TNRC6B: variants seen among roughly 807,000 people sequenced by gnomAD.
TNRC6B encodes the protein trinucleotide repeat-containing gene 6B protein.
TNRC6B carries 52 observed loss-of-function variants against 203.6 expected under a neutral mutation model. That is an observed-to-expected ratio of 0.26 (90% confidence interval 0.20 to 0.32). The LOEUF is 0.32. TNRC6B is among the 10% of genes least tolerant of loss of function. The pLI, the probability that TNRC6B is intolerant of heterozygous loss-of-function variation, is 1.00. For missense variants in TNRC6B, 1,923 were observed against 2,286.2 expected, an observed-to-expected ratio of 0.84 and a Z score of 3.24; for synonymous variants, 838 against 845.7, an observed-to-expected ratio of 0.99 and a Z score of 0.16.
chr22:40,301,429 G>A lies in TNRC6B; in HGVS notation c.4120+96G>A, dbSNP rs547992717. 3.3e-4 allele frequency: 417 copies of A among 1,281,316 alleles called. 1 individual carries two copies. The highest frequency in any genetic ancestry group is 4.8e-4 in the South Asian group (33 of 68,786). 79.4% of individuals were successfully genotyped at this position (1,281,316 alleles called of 1,614,324 possible). On this transcript the variant is annotated intron_variant, in intron 15 of 22. Transcript: ENST00000454349. ...TGCATTACCCTCCTTTTTTATGTCA[G>A]CTGTACAAGGTAGGTAAATATTCTT...
In TNRC6B at chr22:40,051,244, C is replaced by T. The variant is rs372500690; in HGVS notation, c.-121+6246C>T. Among the ~76,000 whole-genome samples, 19 of 152,308 alleles carry T rather than the reference C, an allele frequency of 1.2e-4. 2 individuals are homozygous for T. The highest frequency in any genetic ancestry group is 9.8e-4 in the Admixed American group (15 of 15,298). On this transcript the variant is annotated intron_variant, in intron 1 of 23. Transcript: ENST00000301923. ...AAAATTGCTGAAGAGGACACCAATCCTGTTCTGAATTGTACCTCTGCATGG... is the reference window on the plus strand; with the variant it reads ...AAAATTGCTGAAGAGGACACCAATCTTGTTCTGAATTGTACCTCTGCATGG...
chr22:40,194,461 G>A (rs888314172), intron 1 of TNRC6B, among the ~76,000 whole-genome samples: 3 of 152,186 alleles, frequency 2.0e-5, no homozygotes, highest in African/African-American at 7.2e-5. Context: ...AGGCCAGGTA[G>A]CATTGCAGTA....
intron 2 of TNRC6B, among the ~76,000 whole-genome samples, chr22:40,121,850 A>G (rs936171849): frequency 6.6e-6 from 1 of 152,240 alleles, no homozygotes; most frequent in African/African-American, 2.4e-5. Context: ...AGTCGCTGCT[A>G]AGGTCAAAAT....
intron 1 of TNRC6B, among the ~76,000 whole-genome samples, chr22:40,066,382 A>G (rs967318513): frequency 6.6e-6 from 1 of 152,148 alleles, no homozygotes; most frequent in Non-Finnish European, 1.5e-5. Context: ...TTCTTAAAAT[A>G]TCAGGAATTC....
chr22:40,177,870 A>C, upstream of TNRC6B: 1 of 1,312,740 alleles, frequency 7.6e-7, no homozygotes, highest in Non-Finnish European at 9.7e-7. Flanking sequence ...TGACAAACCT[A>C]CCCGAAGTCA....
chr22:40,254,360 A>G lies in TNRC6B; in HGVS notation c.115+3160A>G, dbSNP rs773500010. 3.9e-5 allele frequency among the ~76,000 whole-genome samples: 6 copies of G among 152,292 alleles called. No individual in the cohort carries two copies. The South Asian group carries it at 6.2e-4, about 16-fold the overall frequency. On this transcript the variant is annotated intron_variant, in intron 3 of 22. Transcript: ENST00000454349. Reference sequence around the variant, plus strand: ...TGGACATAGATATTGAGCCTTGTTAAAAAGATGTTAGGGGCCAGGCACCGT... The same window carrying G: ...TGGACATAGATATTGAGCCTTGTTAGAAAGATGTTAGGGGCCAGGCACCGT...
intron 1 of TNRC6B, among the ~76,000 whole-genome samples, chr22:40,080,108 T>G (rs1043191466): frequency 2.0e-5 from 3 of 149,244 alleles, no homozygotes; most frequent in African/African-American, 5.0e-5. Context: ...TTTTTTTTTT[T>G]TTTTTGTGTA....
intron 7 of TNRC6B, among the ~76,000 whole-genome samples, chr22:40,273,873 A>G (rs2070600610): frequency 6.6e-6 from 1 of 151,540 alleles, no homozygotes; most frequent in Admixed American, 6.6e-5. Flanking sequence ...ATGGTCTCAA[A>G]CTCCTGGGCT....
intron 1 of TNRC6B, among the ~76,000 whole-genome samples, chr22:40,234,368 T>A (rs1569031857): frequency 6.6e-6 from 1 of 152,234 alleles, no homozygotes; most frequent in Non-Finnish European, 1.5e-5. Flanking sequence ...ATGCTTGATA[T>A]TAATGAGATT....
At chr22:40,090,787 A>G (rs555907999) in intron 1 of TNRC6B, among the ~76,000 whole-genome samples, 4 of 152,252 alleles carry the variant, frequency 2.6e-5, no homozygotes, top group South Asian at 4.1e-4. Context: ...CTAGTCCCCA[A>G]ATTGTGGTCT....
At position 40,264,962 on chromosome 22, in the gene TNRC6B, G is replaced by T. The variant is rs1394478215; in HGVS notation, c.732G>T (p.Gln244His). 2.4e-5 allele frequency: 38 copies of T among 1,614,006 alleles called. No homozygotes were observed. The highest frequency in any genetic ancestry group is 3.2e-5 in the Non-Finnish European group (38 of 1,179,900). The change falls in exon 5 of 23, where the codon CAG (glutamine) becomes CAT (histidine). Residue 244 changes from glutamine (Q) to histidine (H), a missense_variant. By Grantham distance (24) the Gln-to-His change is conservative (BLOSUM62 0). This residue lies in a region of TNRC6B where 614 missense variants were observed against 587.7 expected (regional missense o/e 1.04). Transcript: ENST00000454349. ...CTAGTAACAAAGGAAAAGGGAGCCA[G>T]TGCCAGTCTGCAAGTTCTGGGAACG... ...STTSNKGKGS[Q>H]CQSASSGNEC...
chr22:40,283,188 G>A (rs988142056), intron 11 of TNRC6B, among the ~76,000 whole-genome samples: 2 of 151,968 alleles, frequency 1.3e-5, no homozygotes, highest in Admixed American at 6.6e-5. Context: ...ACAGGCTCCC[G>A]CAACCACGCC....
intron 15 of TNRC6B, among the ~76,000 whole-genome samples, chr22:40,306,597 GT>G (rs1437641378): frequency 6.6e-6 from 1 of 152,186 alleles, no homozygotes; most frequent in Non-Finnish European, 1.5e-5. Context: ...GAAAACCTTT[GT>G]TCCTTGCAAC....
intron 1 of TNRC6B, among the ~76,000 whole-genome samples, chr22:40,086,587 A>G (rs751915203): frequency 6.6e-6 from 1 of 152,172 alleles, no homozygotes; most frequent in Non-Finnish European, 1.5e-5. Flanking sequence ...GAAAGGATAT[A>G]TGGAGGCACA....
At chr22:40,053,786 ACTT>A in intron 1 of TNRC6B, among the ~76,000 whole-genome samples, 1 of 152,366 alleles carries the variant, frequency 6.6e-6, no homozygotes, top group East Asian at 1.9e-4. Flanking sequence ...GCAAGTAGGA[ACTT>A]CTCTACTTCA....
intron 3 of TNRC6B, among the ~76,000 whole-genome samples, chr22:40,154,233 A>G (rs965277023): frequency 3.3e-5 from 5 of 151,884 alleles, no homozygotes; most frequent in Non-Finnish European, 7.4e-5. Flanking sequence ...GGAGGCCAAG[A>G]CGGGTGGATC....
chr22:40,306,252 G>A lies in TNRC6B; in HGVS notation c.4121-2260G>A, dbSNP rs530920627. ...GGTTGCAGTGAGCCAAGATTGTGCC[G>A]CTGCACTCCAGCCTGGGCGACAGAG... On this transcript the variant is annotated intron_variant, in intron 15 of 22. Coordinates refer to ENST00000454349, the MANE Select transcript of TNRC6B (RefSeq NM_001162501.2). Among the ~76,000 whole-genome samples the A allele has an allele frequency of 1.1e-4, 16 of 152,152 alleles. No individual in the cohort carries two copies. The East Asian group carries it at 2.7e-3, about 26-fold the overall frequency.
At chr22:40,177,111 T>G (rs1014757876), upstream of TNRC6B, among the ~76,000 whole-genome samples, 1 of 152,056 alleles carries the variant, frequency 6.6e-6, no homozygotes, top group Non-Finnish European at 1.5e-5. Flanking sequence ...TGGAGATGTA[T>G]ATGCGAAGGA....
intron 1 of TNRC6B, among the ~76,000 whole-genome samples, chr22:40,199,111 A>G (rs1484136005): frequency 4.6e-5 from 7 of 152,126 alleles, no homozygotes. Context: ...CCCACTGGCC[A>G]AATCTGAGTT....
Sources: gnomAD v4.1 joint callset for allele counts (sites outside exome capture counted in the v4.1 genomes callset) on GRCh38, gnomAD v4.1.1 for gene constraint, gnomAD v4.1.1 regional missense constraint, MANE v1.5 for transcripts, NCBI Gene and HGNC (gene_info 2026-07-23, HGNC 2026-07-21) for gene names.